Variants in ANKRD12 observed in about 807,000 individuals in gnomAD.
The protein encoded by ANKRD12 is ankyrin repeat domain-containing protein 12.
A neutral mutation model predicts 183.4 loss-of-function variants in ANKRD12; 85 were observed. The ratio of observed to expected loss-of-function variants is 0.46; its 90% CI spans 0.39 to 0.56. The LOEUF (loss-of-function observed/expected upper bound fraction) is 0.56, where lower values mean the gene tolerates loss of function less well. ANKRD12 is among the 20% of genes least tolerant of loss of function. ANKRD12 has a pLI of 0.00. For synonymous variants in ANKRD12, 914 were observed against 800.2 expected, an observed-to-expected ratio of 1.14 and a Z score of -2.40; for missense variants, 2,405 against 2,357.1, an observed-to-expected ratio of 1.02 and a Z score of -0.42.
chr18:9,282,952 A>C lies in ANKRD12; in HGVS notation c.*1826A>C, dbSNP rs1035158163. On this transcript the variant is annotated 3_prime_UTR_variant, in exon 13 of 13. Transcript: ENST00000262126. ...GAGAGATTTTGGCCTTTTTTATTGG[A>C]TAAATTGGGCCAGAAAGGCAGGGTA... 9 of 152,556 alleles carry C rather than the reference A, an allele frequency of 5.9e-5. No individual in the cohort carries two copies. Among genetic ancestry groups the C allele is most frequent in the African/African-American group, 2.2e-4 (9 of 41,508 alleles). 9.5% of individuals were successfully genotyped at this position (152,556 alleles called of 1,614,324 possible).
intron 8 of ANKRD12, among the ~76,000 whole-genome samples, chr18:9,225,949 A>T (rs1037014605): frequency 6.6e-6 from 1 of 150,908 alleles, no homozygotes; most frequent in African/African-American, 2.4e-5. Flanking sequence ...AATCCATATT[A>T]TTTTTTGATA....
chr18:9,255,957 C>A lies in ANKRD12; in HGVS notation c.2690C>A (p.Thr897Asn). ...AAAAATACTGCTGCTATTAAAAAAA[C>A]TGACGACAGAGAGAAAAGTAGAGAA... ...KSKNTAAIKK[T>N]DDREKSREKM... Residue 897 changes from threonine to asparagine, a missense_variant, in exon 9 of 13, where the codon ACT becomes AAT. Around this residue, in one of 7 missense-constraint regions of ANKRD12, gnomAD observed 1,983 missense variants for 1,725.9 expected, o/e 1.15. Coordinates refer to ENST00000262126, the MANE Select transcript of ANKRD12 (RefSeq NM_015208.5). The A allele has an allele frequency of 6.3e-7, 1 of 1,575,764 alleles. No homozygotes were observed. Among genetic ancestry groups the A allele is most frequent in the African/African-American group, 1.4e-5 (1 of 72,298 alleles).
Position 9,257,757 on chromosome 18 carries a change from A to G in ANKRD12, c.4490A>G (p.Gln1497Arg). 1.2e-6 allele frequency: 2 copies of G among 1,614,092 alleles called. No individual in the cohort carries two copies. Among genetic ancestry groups the G allele is most frequent in the Middle Eastern group, 1.7e-4 (1 of 6,060 alleles). ...CAGCAGCCTTGCTCTTTCCCCAGCC[A>G]ATCACTTTCAGATGCTGAATCGATT... ...PPQQPCSFPS[Q>R]SLSDAESISK... Residue 1497 changes from glutamine (Q) to arginine (R), a missense_variant, in exon 9 of 13, where the codon CAA becomes CGA. Gln to Arg is a conservative substitution (Grantham distance 43). Transcript: ENST00000262126.
At position 9,255,763 on chromosome 18, in the gene ANKRD12, C is replaced by A; in HGVS notation, c.2496C>A (p.Asp832Glu). The change falls in exon 9 of 13, where the codon GAC (aspartate) becomes GAA (glutamate). Residue 832 changes from aspartate to glutamate, a missense_variant. Asp to Glu is a conservative substitution (Grantham distance 45). Transcript: ENST00000262126. ...PEKRSQIKEKDIEKMERKTFE... is the reference protein window; with the variant it reads ...PEKRSQIKEKEIEKMERKTFE... Reference sequence around the variant, plus strand: ...AGCGATCTCAAATTAAAGAAAAGGACATTGAGAAGATGGAAAGAAAAACCT... The same window carrying A: ...AGCGATCTCAAATTAAAGAAAAGGAAATTGAGAAGATGGAAAGAAAAACCT... The A allele has an allele frequency of 6.3e-7, 1 of 1,578,668 alleles. No homozygotes were observed. The highest frequency in any genetic ancestry group is 8.5e-7 in the Non-Finnish European group (1 of 1,170,222).
At chr18:9,177,734 T>TCC (rs945062966) in intron 1 of ANKRD12, among the ~76,000 whole-genome samples, 2 of 152,156 alleles carry the variant, frequency 1.3e-5, no homozygotes, top group African/African-American at 4.8e-5. Flanking sequence ...TCCCCCACCC[T>TCC]CCACACGTAC....
chr18:9,184,854 A>T (rs1455805425), intron 2 of ANKRD12, among the ~76,000 whole-genome samples: 1 of 152,032 alleles, frequency 6.6e-6, no homozygotes, highest in Non-Finnish European at 1.5e-5. Context: ...AACATCTTAA[A>T]TGTTATTATG....
At chr18:9,193,655 C>A (rs989085549) in intron 2 of ANKRD12, among the ~76,000 whole-genome samples, 7 of 152,066 alleles carry the variant, frequency 4.6e-5, no homozygotes, top group African/African-American at 1.7e-4. Context: ...ATTTGTTATG[C>A]CCCTTTTTCC....
Position 9,196,327 on chromosome 18 carries a change from G to A in ANKRD12, c.235+629G>A, listed in dbSNP as rs562662470. Among the ~76,000 whole-genome samples the A allele has an allele frequency of 1.6e-4, 24 of 151,986 alleles. No individual in the cohort carries two copies. The South Asian group carries it at 4.8e-3, about 30-fold the overall frequency. The stretch of plus-strand genomic sequence containing the variant: ...TCAGCCAATCCCAGTTATTCATAAC[G>A]GATGAGATTCTTTTTATTGCTATCT... On this transcript the variant is annotated intron_variant, in intron 3 of 12. Coordinates refer to ENST00000262126, the MANE Select transcript of ANKRD12 (RefSeq NM_015208.5).
At chr18:9,220,992 A>G (rs1293339943) in intron 7 of ANKRD12, among the ~76,000 whole-genome samples, 1 of 152,174 alleles carries the variant, frequency 6.6e-6, no homozygotes, top group Non-Finnish European at 1.5e-5. Context: ...CAGGAGATGG[A>G]CAGTGAAGAA....
At chr18:9,248,609 T>C (rs1227738486) in intron 8 of ANKRD12, among the ~76,000 whole-genome samples, 1 of 152,246 alleles carries the variant, frequency 6.6e-6, no homozygotes, top group African/African-American at 2.4e-5. Context: ...ATTCATAAAG[T>C]ACATATATAA....
At chr18:9,197,323 C>T (rs894309503) in intron 3 of ANKRD12, among the ~76,000 whole-genome samples, 3 of 152,184 alleles carry the variant, frequency 2.0e-5, no homozygotes, top group Non-Finnish European at 4.4e-5. Flanking sequence ...GATATCGCAG[C>T]TCTCTATAAG....
intron 1 of ANKRD12, among the ~76,000 whole-genome samples, chr18:9,141,670 A>G (rs2078320436): frequency 1.3e-5 from 2 of 152,172 alleles, no homozygotes; most frequent in Non-Finnish European, 2.9e-5. Flanking sequence ...AAATTTAAAA[A>G]TTGTGTCATC....
intron 8 of ANKRD12, among the ~76,000 whole-genome samples, chr18:9,236,244 G>A (rs2037338276): frequency 6.6e-6 from 1 of 152,076 alleles, no homozygotes; most frequent in Admixed American, 6.6e-5. Flanking sequence ...AAATTGTGAA[G>A]GTGGCAACTT....
intron 7 of ANKRD12, among the ~76,000 whole-genome samples, chr18:9,220,393 T>C (rs184499455): frequency 7.7e-4 from 117 of 152,300 alleles, no homozygotes; most frequent in African/African-American, 2.7e-3. Flanking sequence ...TTATGTATGA[T>C]AGAACACACC....
At chr18:9,186,942 G>A (rs571804382) in intron 2 of ANKRD12, among the ~76,000 whole-genome samples, 52 of 151,796 alleles carry the variant, frequency 3.4e-4, no homozygotes, top group Non-Finnish European at 5.6e-4. Flanking sequence ...TAGTAGAGAC[G>A]GGGTTTCACC....
Position 9,255,411 on chromosome 18 carries a change from A to G in ANKRD12, c.2144A>G (p.His715Arg), listed in dbSNP as rs2038546235. 3 of 1,581,752 alleles carry G rather than the reference A, an allele frequency of 1.9e-6. No homozygotes were observed. Among genetic ancestry groups the G allele is most frequent in the Non-Finnish European group, 2.6e-6 (3 of 1,171,000 alleles). ...GAAGATCTCTTTTTAAATATGGAACATGAATCCTTAACATTAGAAAAAAAA... is the reference window on the plus strand; with the variant it reads ...GAAGATCTCTTTTTAAATATGGAACGTGAATCCTTAACATTAGAAAAAAAA... ...ETEDLFLNME[H>R]ESLTLEKKSK... Residue 715 changes from histidine (H) to arginine (R), a missense_variant, in exon 9 of 13, where the codon CAT becomes CGT. His to Arg is a conservative substitution (Grantham distance 29). Transcript: ENST00000262126.
At chr18:9,166,054 C>T (rs2032024868) in intron 1 of ANKRD12, among the ~76,000 whole-genome samples, 2 of 151,996 alleles carry the variant, frequency 1.3e-5, no homozygotes, top group African/African-American at 4.8e-5. Context: ...ATGAACTCAT[C>T]ATTTTTTATG....
intron 1 of ANKRD12, among the ~76,000 whole-genome samples, chr18:9,139,447 TAA>T (rs1472589748): frequency 2.6e-5 from 4 of 152,126 alleles, no homozygotes; most frequent in Admixed American, 6.5e-5. Flanking sequence ...TAAAAAAAAA[TAA>T]GTGATTTTTA....
At chr18:9,223,437 CG>C (rs2036535824) in intron 8 of ANKRD12, among the ~76,000 whole-genome samples, 1 of 151,286 alleles carries the variant, frequency 6.6e-6, no homozygotes, top group Admixed American at 6.6e-5. Flanking sequence ...TTTTTTACCC[CG>C]TCTCTATGAA....
Sources: gnomAD v4.1 joint callset for allele counts (sites outside exome capture counted in the v4.1 genomes callset) on GRCh38, gnomAD v4.1.1 for gene constraint, gnomAD v4.1.1 regional missense constraint, MANE v1.5 for transcripts, NCBI Gene and HGNC (gene_info 2026-07-23, HGNC 2026-07-21) for gene names.